The following FGD4 variants were observed in gnomAD, a reference collection of about 807,000 sequenced individuals.
The protein encoded by FGD4 is FYVE, RhoGEF and PH domain containing 4.
In FGD4, 42 loss-of-function variants were observed where a neutral mutation model predicts 102.0. That is an observed-to-expected ratio of 0.41 (90% CI 0.32 to 0.53). The LOEUF (loss-of-function observed/expected upper bound fraction) is 0.53, where lower values mean the gene tolerates loss of function less well. Ranked by LOEUF, FGD4 falls within the 20% of genes least tolerant of loss-of-function variation. The pLI, the probability that FGD4 is intolerant of heterozygous loss-of-function variation, is 0.21. For missense variants in FGD4, 902 were observed against 1,078.2 expected (o/e 0.84, Z 2.29); for synonymous variants, 380 against 375.7 (o/e 1.01, Z -0.13).
At chr12:32,433,840 CTTAT>C (rs942008154) in intron 1 of FGD4, among the ~76,000 whole-genome samples, 228 of 151,626 alleles carry the variant, frequency 1.5e-3, no homozygotes, top group African/African-American at 5.2e-3. Context: ...AATATATTTA[CTTAT>C]TTATTTATTT....
chr12:32,593,562 G>A (rs981649576), intron 4 of FGD4, among the ~76,000 whole-genome samples: 7 of 152,184 alleles, frequency 4.6e-5, no homozygotes, highest in African/African-American at 1.7e-4. Context: ...ATCCACAATT[G>A]CCAAGTTCAG....
intron 1 of FGD4, among the ~76,000 whole-genome samples, chr12:32,470,733 C>T (rs909900254): frequency 6.6e-6 from 1 of 152,130 alleles, no homozygotes; most frequent in Non-Finnish European, 1.5e-5. Context: ...GGATTACAGG[C>T]GTGAGCCGCT....
chr12:32,429,840 T>C (rs1375045685), intron 1 of FGD4, among the ~76,000 whole-genome samples: 2 of 152,200 alleles, frequency 1.3e-5, no homozygotes, highest in Non-Finnish European at 2.9e-5. Context: ...TCTCTTTTGT[T>C]GCCATCTTGG....
chr12:32,561,289 G>GT (rs1382736803), intron 1 of FGD4, among the ~76,000 whole-genome samples: 1 of 151,854 alleles, frequency 6.6e-6, no homozygotes, highest in African/African-American at 2.4e-5. Flanking sequence ...GTTTTACCAT[G>GT]TTGGCCAGGC....
chr12:32,596,093 CTTTTAGAGTTTTG>C (rs1947869799), intron 4 of FGD4, among the ~76,000 whole-genome samples: 1 of 143,392 alleles, frequency 7.0e-6, no homozygotes, highest in African/African-American at 3.0e-5. Context: ...GTCTACTTTG[CTTTTAGAGTTTTG>C]CCTATACTTT....
intron 1 of FGD4, among the ~76,000 whole-genome samples, chr12:32,524,408 A>T (rs768717674): frequency 0.02 from 2,964 of 151,138 alleles, 74 homozygotes; most frequent in South Asian, 0.072. Context: ...AAAAAAAAAA[A>T]AAAAAAAAGA....
intron 1 of FGD4, among the ~76,000 whole-genome samples, chr12:32,417,190 G>A (rs1941453551): frequency 6.6e-6 from 1 of 152,000 alleles, no homozygotes; most frequent in South Asian, 2.1e-4. Context: ...CACCGCGCCT[G>A]GCCTAACGTC....
chr12:32,400,261 A>T (rs1286044314), intron 1 of FGD4, among the ~76,000 whole-genome samples: 1 of 152,224 alleles, frequency 6.6e-6, no homozygotes, highest in African/African-American at 2.4e-5. Flanking sequence ...GGATTTGAAA[A>T]GACCAGTTTT....
At chr12:32,525,720 A>C (rs1307583189) in intron 1 of FGD4, among the ~76,000 whole-genome samples, 9 of 152,230 alleles carry the variant, frequency 5.9e-5, no homozygotes, top group Non-Finnish European at 8.8e-5. Context: ...CTTGTGGGCC[A>C]GCTGGAGTTC....
At position 32,642,351 on chromosome 12, in the gene FGD4, G is replaced by A. The variant is rs1951193599; in HGVS notation, c.*1818G>A. 2 of 152,006 alleles carry A rather than the reference G, an allele frequency of 1.3e-5. No homozygotes were observed. Among genetic ancestry groups the A allele is most frequent in the African/African-American group, 4.8e-5 (2 of 41,414 alleles). 9.4% of individuals were successfully genotyped at this position (152,006 alleles called of 1,614,324 possible). On this transcript the variant is annotated 3_prime_UTR_variant, in exon 17 of 17. Transcript: ENST00000534526. Reference sequence around the variant, plus strand: ...TGGTTTTTTGGAAAATTAAACTGTAGCTATAGATGATGCTTTGGTTTTCTT... The same window carrying A: ...TGGTTTTTTGGAAAATTAAACTGTAACTATAGATGATGCTTTGGTTTTCTT...
At chr12:32,510,047 C>T (rs1364994171) in intron 1 of FGD4, among the ~76,000 whole-genome samples, 1 of 152,180 alleles carries the variant, frequency 6.6e-6, no homozygotes, top group East Asian at 1.9e-4. Flanking sequence ...AGTCACTTGA[C>T]CTGTAATAAG....
chr12:32,535,618 A>G (rs1420997313), intron 1 of FGD4, among the ~76,000 whole-genome samples: 1 of 147,026 alleles, frequency 6.8e-6, no homozygotes, highest in Non-Finnish European at 1.5e-5. Flanking sequence ...AAAATTTACC[A>G]TCATACTCTA....
intron 1 of FGD4, among the ~76,000 whole-genome samples, chr12:32,553,585 C>T (rs1943872965): frequency 6.6e-6 from 1 of 152,180 alleles, no homozygotes; most frequent in Admixed American, 6.5e-5. Context: ...TGTATTTGTG[C>T]TCATCCAACC....
In FGD4 at chr12:32,500,495, G is replaced by A. The variant is rs575655764; in HGVS notation, c.167-63642G>A. On this transcript the variant is annotated intron_variant, in intron 1 of 16. Coordinates refer to ENST00000534526, the MANE Select transcript of FGD4 (RefSeq NM_001370298.3). ...GTTACCCAGGCTGGAGTGCAGTGGC[G>A]CAATCTTGGCTCATTGCAACCTCCG... Among the ~76,000 whole-genome samples, 27 of 151,266 alleles carry A rather than the reference G, an allele frequency of 1.8e-4. 1 individual carries two copies. The South Asian group carries it at 4.6e-3, about 26-fold the overall frequency.
intron 2 of FGD4, among the ~76,000 whole-genome samples, chr12:32,574,443 A>G (rs1189299548): frequency 2.0e-5 from 3 of 151,420 alleles, no homozygotes; most frequent in African/African-American, 4.9e-5. Flanking sequence ...GTTTTGCTAC[A>G]TTAGTACATA....
At chr12:32,424,882 T>C (rs1941778131) in intron 1 of FGD4, among the ~76,000 whole-genome samples, 2 of 152,212 alleles carry the variant, frequency 1.3e-5, no homozygotes, top group African/African-American at 2.4e-5. Flanking sequence ...TAGAGAAGTG[T>C]CTGTTCATAT....
chr12:32,626,021 A>G (rs190799118), intron 14 of FGD4, among the ~76,000 whole-genome samples: 47 of 152,370 alleles, frequency 3.1e-4, no homozygotes, highest in African/African-American at 1.1e-3. Flanking sequence ...TCAAATTACT[A>G]TAGATGAAAT....
At chr12:32,564,351 G>C in intron 2 of FGD4, 62 bp downstream of exon 2, 1 of 1,491,822 alleles carries the variant, frequency 6.7e-7, no homozygotes, top group Non-Finnish European at 8.9e-7. Flanking sequence ...AGGCTAACCA[G>C]AAAAATGATG....
At chr12:32,595,175 C>A (rs114430522) in intron 4 of FGD4, among the ~76,000 whole-genome samples, 1 of 152,022 alleles carries the variant, frequency 6.6e-6, no homozygotes, top group Non-Finnish European at 1.5e-5. Context: ...AATTACTATG[C>A]ATTTATGTTT....
Sources: gnomAD v4.1 joint callset for allele counts (sites outside exome capture counted in the v4.1 genomes callset) on GRCh38, gnomAD v4.1.1 for gene constraint, MANE v1.5 for transcripts, NCBI Gene and HGNC (gene_info 2026-07-23, HGNC 2026-07-21) for gene names.